Variants in INPP1 observed in about 807,000 individuals in gnomAD.
The protein encoded by INPP1 is inositol polyphosphate-1-phosphatase.
In INPP1, 18 loss-of-function variants were observed where a neutral mutation model predicts 23.0. That is an observed-to-expected ratio of 0.78 (90% confidence interval 0.54 to 1.16). The LOEUF is 1.16. INPP1 is among the 50% of genes most tolerant of loss of function. The pLI is 0.00. For missense variants in INPP1, 448 were observed against 482.1 expected, an observed-to-expected ratio of 0.93 and a Z score of 0.66; for synonymous variants, 164 against 176.3, an observed-to-expected ratio of 0.93 and a Z score of 0.55.
In INPP1 at chr2:190,346,493, G is replaced by A. The variant is rs1689217900; in HGVS notation, c.-208-2395G>A. On this transcript the variant is annotated intron_variant, in intron 1 of 6. Coordinates refer to ENST00000392329, the MANE Select transcript of INPP1 (RefSeq NM_001128928.2). This position sits in a 1 kb window ranked among gnomAD's most constrained non-coding sequence, Gnocchi z 5.1. ...ATGTTTAGTCTTTTTTATGTGGTATGTAATGTTAATTCAATTTCTTGAATG... is the reference window on the plus strand; with the variant it reads ...ATGTTTAGTCTTTTTTATGTGGTATATAATGTTAATTCAATTTCTTGAATG... 3.3e-5 allele frequency among the ~76,000 whole-genome samples: 5 copies of A among 152,168 alleles called. No individual in the cohort carries two copies. The highest frequency in any genetic ancestry group is 1.2e-4 in the African/African-American group (5 of 41,444).
Position 190,371,055 on chromosome 2 carries a change from T to C in INPP1, c.853T>C (p.Phe285Leu), listed in dbSNP as rs1559087366. ...GTCACGTGTGTGTGGAGATCGCATATTTGGGGCAGCTGGGGCTGGTTATAA... is the reference window on the plus strand; with the variant it reads ...GTCACGTGTGTGTGGAGATCGCATACTTGGGGCAGCTGGGGCTGGTTATAA... ...ALSRVCGDRI[F>L]GAAGAGYKSL... The change falls in exon 7 of 7, where the codon TTT becomes CTT. Residue 285 changes from phenylalanine (F) to leucine (L), a missense_variant. Transcript: ENST00000392329. The surrounding 1 kb of genome is among the most constrained non-coding windows in gnomAD (Gnocchi z 5.3). 3 of 1,613,976 alleles carry C rather than the reference T, an allele frequency of 1.9e-6. No individual in the cohort carries two copies. Among genetic ancestry groups the C allele is most frequent in the Non-Finnish European group, 2.5e-6 (3 of 1,179,980 alleles).
At chr2:190,353,230 T>C (rs550074619) in intron 2 of INPP1, among the ~76,000 whole-genome samples, 7 of 152,154 alleles carry the variant, frequency 4.6e-5, no homozygotes, top group African/African-American at 1.4e-4. Flanking sequence ...TCACAAAATA[T>C]CTCCCTTGAC....
chr2:190,348,836 C>G (rs994938740), intron 1 of INPP1, 52 bp from the exon 2 acceptor site: 1 of 152,240 alleles, frequency 6.6e-6, no homozygotes, highest in Non-Finnish European at 1.5e-5. Flanking sequence ...TCCAACCTCT[C>G]TGCCCCTGCT....
rs1480478919 is a variant in INPP1, at chr2:190,355,738, T to G, written c.-64-4301T>G. Reference sequence around the variant, plus strand: ...ATAATAATTTTTATTTAAAGTACAGTGTTGAAATAAAGTGGTCTTAGGTGA... The same window carrying G: ...ATAATAATTTTTATTTAAAGTACAGGGTTGAAATAAAGTGGTCTTAGGTGA... On this transcript the variant is annotated intron_variant, in intron 2 of 6. Transcript: ENST00000392329. The surrounding 1 kb of genome is among the most constrained non-coding windows in gnomAD (Gnocchi z 5.1). Among the ~76,000 whole-genome samples the G allele has an allele frequency of 6.6e-6, 1 of 152,206 alleles. No individual in the cohort carries two copies. Among genetic ancestry groups the G allele is most frequent in the Non-Finnish European group, 1.5e-5 (1 of 68,040 alleles).
chr2:190,359,976 C>G, intron 2 of INPP1, 63 bp from the exon 3 acceptor site: 1 of 895,416 alleles, frequency 1.1e-6, no homozygotes. Context: ...GTTAGTAGTG[C>G]CAGAGGCACC....
rs1689581199 is a variant in INPP1 at position 190,363,794 on chromosome 2, A to C, written c.265+1107A>C. ...AAAATCTACGCTTGACTACTTCACAAACAGCTATTTTAATACATCATTTGT... is the reference window on the plus strand; with the variant it reads ...AAAATCTACGCTTGACTACTTCACACACAGCTATTTTAATACATCATTTGT... On this transcript the variant is annotated intron_variant, in intron 4 of 6. Coordinates refer to ENST00000392329, the MANE Select transcript of INPP1 (RefSeq NM_001128928.2). The surrounding 1 kb of genome is among the most constrained non-coding windows in gnomAD (Gnocchi z 4.4). 1.3e-5 allele frequency among the ~76,000 whole-genome samples: 2 copies of C among 152,202 alleles called. No homozygotes were observed. The highest frequency in any genetic ancestry group is 4.8e-5 in the African/African-American group (2 of 41,454).
intron 3 of INPP1, among the ~76,000 whole-genome samples, chr2:190,362,098 A>T (rs1479148384): frequency 6.6e-6 from 1 of 152,094 alleles, no homozygotes; most frequent in Non-Finnish European, 1.5e-5. Context: ...CTCTTTTTTC[A>T]TATCCCCTTC....
rs747739941 is a variant in INPP1 at position 190,369,084 on chromosome 2, C to A, written c.467-19C>A. The A allele has an allele frequency of 2.0e-6, 3 of 1,502,748 alleles. No individual in the cohort carries two copies. The South Asian group carries it at 3.8e-5, about 19-fold the overall frequency. 93.1% of individuals were successfully genotyped at this position (1,502,748 alleles called of 1,614,324 possible). A position where few individuals can be genotyped will look rare whatever the true frequency, so the allele number is the denominator to read the frequency against. Reference sequence around the variant, plus strand: ...AATGATCTTTACCTGAATCCAAACACATTTGTTTCCTTTTTCAGATTCAAC... The same window carrying A: ...AATGATCTTTACCTGAATCCAAACAAATTTGTTTCCTTTTTCAGATTCAAC... On this transcript the variant is annotated intron_variant, in intron 5 of 6. Transcript: ENST00000392329.
chr2:190,353,645 A>G (rs3791813), intron 2 of INPP1, among the ~76,000 whole-genome samples: 31,116 of 152,180 alleles, frequency 0.2, 3,556 homozygotes, highest in East Asian at 0.41. Flanking sequence ...GTAACTATTA[A>G]TCTTTATATT....
At chr2:190,350,146 A>C (rs1689298576) in intron 2 of INPP1, among the ~76,000 whole-genome samples, 1 of 152,190 alleles carries the variant, frequency 6.6e-6, no homozygotes, top group Admixed American at 6.5e-5. Context: ...TGCCCAGACA[A>C]ATTTTAAGGT....
chr2:190,348,831 C>T (rs565946773), intron 1 of INPP1, 57 bp from the exon 2 acceptor site: 2 of 152,224 alleles, frequency 1.3e-5, no homozygotes, highest in African/African-American at 4.8e-5. Flanking sequence ...TCCAATCCAA[C>T]CTCTCTGCCC....
rs1035886109 is a variant in INPP1 at position 190,367,800 on chromosome 2, A to C, written c.466+905A>C. On this transcript the variant is annotated intron_variant, in intron 5 of 6. Coordinates refer to ENST00000392329, the MANE Select transcript of INPP1 (RefSeq NM_001128928.2). This position sits in a 1 kb window ranked among gnomAD's most constrained non-coding sequence, Gnocchi z 4.1. The stretch of plus-strand genomic sequence containing the variant: ...AGGCTGGTCTCGAACTCCTGGGTTC[A>C]AGCGATCTGCCTGCCTTGGCCTCCT... Among the ~76,000 whole-genome samples, 3 of 152,198 alleles carry C rather than the reference A, an allele frequency of 2.0e-5. No individual in the cohort carries two copies. The highest frequency in any genetic ancestry group is 2.9e-5 in the Non-Finnish European group (2 of 68,024).
At chr2:190,362,527 A>C in intron 3 of INPP1, 100 bp from the exon 4 acceptor site, 4 of 624,798 alleles carry the variant, frequency 6.4e-6, no homozygotes, top group Non-Finnish European at 1.1e-5. Flanking sequence ...TTCAGTTCTG[A>C]TTGTGCTATT....
chr2:190,345,822 C>T lies in INPP1; in HGVS notation c.-209+1861C>T, dbSNP rs1177190347. Reference sequence around the variant, plus strand: ...CAGCCTGGCCAACATGGTGAAACCCCGTCTCTAGTAAAAATACAAAAATTA... The same window carrying T: ...CAGCCTGGCCAACATGGTGAAACCCTGTCTCTAGTAAAAATACAAAAATTA... On this transcript the variant is annotated intron_variant, in intron 1 of 6. Transcript: ENST00000392329. The surrounding 1 kb of genome is among the most constrained non-coding windows in gnomAD (Gnocchi z 4.9). Among the ~76,000 whole-genome samples, 2 of 151,996 alleles carry T rather than the reference C, an allele frequency of 1.3e-5. No homozygotes were observed. Among genetic ancestry groups the T allele is most frequent in the Non-Finnish European group, 2.9e-5 (2 of 67,996 alleles).
At chr2:190,360,411 CA>C (rs1183113673) in intron 3 of INPP1, 105 bp downstream of exon 3, 1 of 835,038 alleles carries the variant, frequency 1.2e-6, no homozygotes, top group African/African-American at 1.7e-5. Context: ...AGTATACTAG[CA>C]CCTTGATTTC....
In INPP1 at chr2:190,370,867, G is replaced by A; in HGVS notation, c.665G>A (p.Gly222Asp). ...AGGTGGAAAGGACAGTGCTATTGGG[G>A]CCTTTCTTACATGGGGACCAACATG... ...TLRWKGQCYW[G>D]LSYMGTNMHS... The change falls in exon 7 of 7, where the codon GGC (glycine) becomes GAC (aspartate). Residue 222 changes from glycine (G) to aspartate (D), a missense_variant. Gly to Asp is a moderately conservative substitution (Grantham distance 94). Coordinates refer to ENST00000392329, the MANE Select transcript of INPP1 (RefSeq NM_001128928.2). 6.2e-7 allele frequency: 1 copy of A among 1,612,458 alleles called. No individual in the cohort carries two copies. The highest frequency in any genetic ancestry group is 1.1e-5 in the South Asian group (1 of 90,922).
At position 190,343,626 on chromosome 2, in the gene INPP1, G is replaced by A. The variant is rs1003022784; in HGVS notation, c.-544G>A. 2.0e-5 allele frequency: 3 copies of A among 152,030 alleles called. No individual in the cohort carries two copies. Among genetic ancestry groups the A allele is most frequent in the East Asian group, 3.9e-4 (2 of 5,184 alleles). The allele number at this position is 152,030 out of a possible 1,614,324, so 9.4% of individuals were successfully genotyped here. ...GCGGACGCCCGGCTCGGGCAGGCGT[G>A]GGGGGCCCGCGCGTCCCGGGAGCCC... On this transcript the variant is annotated 5_prime_UTR_variant, in exon 1 of 7. Transcript: ENST00000392329.
chr2:190,357,086 TA>T (rs1689433552), intron 2 of INPP1, among the ~76,000 whole-genome samples: 1 of 152,230 alleles, frequency 6.6e-6, no homozygotes, highest in African/African-American at 2.4e-5. Flanking sequence ...TCAACTAAAG[TA>T]AATCTTCCTA....
At chr2:190,362,277 G>C (rs1282359832) in intron 3 of INPP1, among the ~76,000 whole-genome samples, 1 of 152,150 alleles carries the variant, frequency 6.6e-6, no homozygotes, top group Admixed American at 6.5e-5. Flanking sequence ...TTGTTTAAGA[G>C]CAATAGTTAA....
Sources: allele counts gnomAD v4.1 joint callset (sites outside exome capture counted in the v4.1 genomes callset), GRCh38; gene constraint gnomAD v4.1.1; non-coding constraint Gnocchi (gnomAD v3.1); transcripts MANE v1.5; gene names NCBI Gene and HGNC (gene_info 2026-07-23, HGNC 2026-07-21).